The following GGA2 variants were observed in gnomAD, a reference collection of about 807,000 sequenced individuals.
GGA2 encodes the protein ADP-ribosylation factor-binding protein GGA2.
In GGA2, 48 loss-of-function variants were observed where a neutral mutation model predicts 79.5. The ratio of observed to expected loss-of-function variants is 0.60; its 90% CI spans 0.48 to 0.77. The LOEUF is 0.77. Among genes scored for constraint, GGA2 ranks in the 30% least tolerant of loss-of-function variants. The pLI is 0.00. For synonymous variants in GGA2, 317 were observed against 302.0 expected (o/e 1.05, Z -0.51); for missense variants, 770 against 774.0 (o/e 0.99, Z 0.06).
At chr16:23,471,917 T>A (rs1295760863) in intron 14 of GGA2, among the ~76,000 whole-genome samples, 1 of 151,518 alleles carries the variant, frequency 6.6e-6, no homozygotes, top group Non-Finnish European at 1.5e-5. Context: ...TCTAAAAAAA[T>A]TTAAAAAAAA....
chr16:23,472,367 T>C (rs996031765), intron 14 of GGA2, among the ~76,000 whole-genome samples: 2 of 151,488 alleles, frequency 1.3e-5, no homozygotes, highest in Non-Finnish European at 2.9e-5. Context: ...CTAATTTTTT[T>C]TGTAGTTTTT....
At chr16:23,522,676 T>A (rs1965158304), upstream of GGA2, 2 of 152,132 alleles carry the variant, frequency 1.3e-5, no homozygotes, top group African/African-American at 4.8e-5. Context: ...CTGGACAAAA[T>A]AAATATATTG....
chr16:23,480,456 C>A, intron 10 of GGA2, 189 bp downstream of exon 10: 1 of 534,318 alleles, frequency 1.9e-6, no homozygotes, highest in Non-Finnish European at 3.3e-6. Context: ...GGGGTCCAGC[C>A]CGGCAACCAG....
rs57255054 is a variant in GGA2 at position 23,467,387 on chromosome 16, AACACACAC to A, written c.*195_*202del. On this transcript the variant is annotated 3_prime_UTR_variant, in exon 17 of 17. Transcript: ENST00000309859. ...GCCCTGTGCTACCACCCTCTCCCCG[AACACACAC>A]ACACACACACACACACACACACACA... 5,315 of 326,646 alleles carry A rather than the reference AACACACAC, an allele frequency of 0.016. 36 individuals are homozygous for A. Among genetic ancestry groups the A allele is most frequent in the African/African-American group, 0.043 (1,515 of 35,098 alleles). 20.2% of individuals were successfully genotyped at this position (326,646 alleles called of 1,614,324 possible). A position where few individuals can be genotyped will look rare whatever the true frequency, so the allele number is the denominator to read the frequency against.
At chr16:23,489,067 A>G (rs963779544) in intron 5 of GGA2, among the ~76,000 whole-genome samples, 17 of 152,172 alleles carry the variant, frequency 1.1e-4, no homozygotes, top group Non-Finnish European at 1.9e-4. Flanking sequence ...GAAAATGCTG[A>G]GTGTATGTGA....
upstream of GGA2, among the ~76,000 whole-genome samples, chr16:23,510,906 CGTGTGTGTGTGTGTGTGT>C (rs150030103): frequency 0.021 from 1,047 of 48,932 alleles, 10 homozygotes; most frequent in South Asian, 0.046. Context: ...TGGGTTTCAC[CGTGTGTGTGTGTGTGTGT>C]GTGTGTGTGT....
chr16:23,522,191 G>C (rs1299320880), upstream of GGA2: 1 of 202,866 alleles, frequency 4.9e-6, no homozygotes, highest in Non-Finnish European at 1.0e-5. Context: ...TCTGGAGAAA[G>C]CTCCCTAGTT....
intron 1 of GGA2, among the ~76,000 whole-genome samples, chr16:23,499,257 G>A (rs1964893103): frequency 6.6e-6 from 1 of 151,900 alleles, no homozygotes; most frequent in Non-Finnish European, 1.5e-5. Context: ...CGATTCTCCG[G>A]CCTCAGCCTC....
intron 1 of GGA2, among the ~76,000 whole-genome samples, chr16:23,520,881 G>A (rs1380730457): frequency 1.3e-5 from 2 of 152,050 alleles, no homozygotes; most frequent in Admixed American, 1.3e-4. Context: ...CTCCCGTTCT[G>A]TGGGGGTTCA....
chr16:23,494,861 C>G (rs1373774494), intron 2 of GGA2, among the ~76,000 whole-genome samples: 1 of 152,162 alleles, frequency 6.6e-6, no homozygotes, highest in African/African-American at 2.4e-5. Context: ...GCAGGTGGAT[C>G]ACCTGAGGTC....
chr16:23,509,814 A>C (rs551792682), intron 1 of GGA2, among the ~76,000 whole-genome samples: 92 of 151,310 alleles, frequency 6.1e-4, no homozygotes, highest in African/African-American at 2.2e-3. Flanking sequence ...GGCCAAAGTA[A>C]ACACAAAAGG....
chr16:23,487,675 A>G (rs563208856), intron 6 of GGA2, among the ~76,000 whole-genome samples: 1 of 152,134 alleles, frequency 6.6e-6, no homozygotes, highest in African/African-American at 2.4e-5. Flanking sequence ...AAGTCACACC[A>G]TACCTCCTTC....
At chr16:23,475,184 T>C (rs933376286) in intron 13 of GGA2, 123 bp from the exon 14 acceptor site, 5 of 529,432 alleles carry the variant, frequency 9.4e-6, no homozygotes, top group African/African-American at 6.1e-5. Context: ...TTAGATGTTA[T>C]ATGCCTTTTT....
chr16:23,482,793 C>A, intron 9 of GGA2, 130 bp downstream of exon 9: 1 of 681,182 alleles, frequency 1.5e-6, no homozygotes. Flanking sequence ...CAGGCCACAC[C>A]CTCCCCAAGC....
chr16:23,489,939 G>A (rs1964762040), intron 5 of GGA2, among the ~76,000 whole-genome samples: 1 of 152,166 alleles, frequency 6.6e-6, no homozygotes, highest in Non-Finnish European at 1.5e-5. Context: ...CCTGGGCCCA[G>A]ATCTACACTG....
intron 14 of GGA2, among the ~76,000 whole-genome samples, chr16:23,472,241 T>C (rs1964520764): frequency 1.5e-5 from 2 of 132,798 alleles, no homozygotes; most frequent in South Asian, 2.6e-4. Flanking sequence ...TCACCCAGGC[T>C]GGAGTGCAGT....
At chr16:23,514,403 C>T (rs759254939), upstream of GGA2, among the ~76,000 whole-genome samples, 1 of 151,946 alleles carries the variant, frequency 6.6e-6, no homozygotes, top group Admixed American at 6.6e-5. Context: ...CCACTGTGCC[C>T]GGCCTGTAAA....
chr16:23,478,215 G>GAAAAAAGACAAAAAAAAAAAAAAAAAA (rs1964599784), intron 13 of GGA2, among the ~76,000 whole-genome samples, 153 bp downstream of exon 13: 1 of 108,936 alleles, frequency 9.2e-6, no homozygotes, highest in African/African-American at 3.3e-5. Flanking sequence ...AAAAAAAAAA[G>GAAAAAAGACAAAAAAAAAAAAAAAAAA]AAAAAAAGAC....
At chr16:23,511,972 G>C (rs11074563), upstream of GGA2, among the ~76,000 whole-genome samples, 126,808 of 151,326 alleles carry the variant, frequency 0.84, 53,111 homozygotes, top group Middle Eastern at 0.9. Context: ...TTTTGCATTG[G>C]TATCAACTTA....
Sources: gnomAD v4.1 joint callset for allele counts (sites outside exome capture counted in the v4.1 genomes callset) on GRCh38, gnomAD v4.1.1 for gene constraint, MANE v1.5 for transcripts, NCBI Gene and HGNC (gene_info 2026-07-23, HGNC 2026-07-21) for gene names.